Variants in SYNE2 observed in about 807,000 individuals in gnomAD.
SYNE2 encodes the protein spectrin repeat containing nuclear envelope protein 2.
Under a neutral mutation model 856.3 loss-of-function variants are expected in SYNE2, and 431 were observed. The ratio of observed to expected loss-of-function variants is 0.50; its 90% CI spans 0.47 to 0.55. The LOEUF is 0.55. Ranked by LOEUF, SYNE2 falls within the 20% of genes least tolerant of loss-of-function variation. SYNE2 has a pLI of 0.00. For synonymous variants in SYNE2, 2,923 were observed against 2,872.3 expected, an observed-to-expected ratio of 1.02 and a Z score of -0.56; for missense variants, 8,129 against 8,023.2, an observed-to-expected ratio of 1.01 and a Z score of -0.50.
At position 63,783,246 on chromosome 14, in the gene SYNE2, T is replaced by C. The variant is rs372803319; in HGVS notation, c.-305+21260T>C. Among the ~76,000 whole-genome samples, 45 of 152,328 alleles carry C rather than the reference T, an allele frequency of 3.0e-4. 1 individual carries two copies. Among genetic ancestry groups the C allele is most frequent in the African/African-American group, 1.1e-3 (44 of 41,588 alleles). On this transcript the variant is annotated intron_variant, in intron 1 of 23. Transcript: ENST00000674003. ...GTTCCTCCTGCGCTAATTCTCCTTT[T>C]TGCGGCCTTGTGAAGAGGGTATCTT...
chr14:64,047,563 G>A (rs558289943), intron 45 of SYNE2, among the ~76,000 whole-genome samples: 1 of 152,142 alleles, frequency 6.6e-6, no homozygotes, highest in African/African-American at 2.4e-5. Context: ...CTAGGCATTT[G>A]GCTGCCTCCT....
At chr14:63,840,938 C>T (rs937667983) in intron 1 of SYNE2, among the ~76,000 whole-genome samples, 1 of 152,004 alleles carries the variant, frequency 6.6e-6, no homozygotes, top group Non-Finnish European at 1.5e-5. Context: ...CGCTTGAACC[C>T]GGGAGGCAGA....
At chr14:63,953,013 A>AT (rs2096187326) in intron 7 of SYNE2, among the ~76,000 whole-genome samples, 3 of 152,282 alleles carry the variant, frequency 2.0e-5, no homozygotes, top group Non-Finnish European at 4.4e-5. Context: ...TGATGGAGTG[A>AT]TTTTTTTAAA....
At position 63,974,835 on chromosome 14, in the gene SYNE2, CGTG is replaced by C. The variant is rs1400524901; in HGVS notation, c.1129-1727_1129-1725del. 5.5e-4 allele frequency among the ~76,000 whole-genome samples: 62 copies of C among 113,084 alleles called. 1 individual carries two copies. The highest frequency in any genetic ancestry group is 8.3e-4 in the African/African-American group (27 of 32,382). The allele number at this position is 113,084 out of a possible 152,430, so 74.2% of individuals were successfully genotyped here. On this transcript the variant is annotated intron_variant, in intron 11 of 115. Coordinates refer to ENST00000555002, the MANE Select transcript of SYNE2 (RefSeq NM_182914.3). ...ATATGTATATACATATGTATATAGA[CGTG>C]TGTGTGTGTGTACATGTGTGTGTGT...
chr14:63,832,575 T>C (rs1235370420), intron 1 of SYNE2, among the ~76,000 whole-genome samples: 1 of 152,076 alleles, frequency 6.6e-6, no homozygotes, highest in Non-Finnish European at 1.5e-5. Context: ...TAGAACACAG[T>C]TATGACAGAA....
intron 1 of SYNE2, among the ~76,000 whole-genome samples, chr14:63,804,596 C>G (rs371005232): frequency 6.6e-6 from 1 of 152,124 alleles, no homozygotes; most frequent in Non-Finnish European, 1.5e-5. Flanking sequence ...CGGGTGCAAG[C>G]AATTCTCCTG....
At chr14:63,944,604 A>G (rs915398860) in intron 6 of SYNE2, among the ~76,000 whole-genome samples, 11 of 142,194 alleles carry the variant, frequency 7.7e-5, no homozygotes, top group Non-Finnish European at 1.5e-4. Flanking sequence ...GCTCACTGCA[A>G]CCTCCACCTC....
At position 63,933,736 on chromosome 14, in the gene SYNE2, T is replaced by A. The variant is rs146563058; in HGVS notation, c.80-6878T>A. On this transcript the variant is annotated intron_variant, in intron 2 of 115. Transcript: ENST00000555002. The stretch of plus-strand genomic sequence containing the variant: ...TTCATCATTGTAGTAGATTGTATTA[T>A]TCTCTTTATTTCTTTGCTTTTTCTA... 1.1e-3 allele frequency among the ~76,000 whole-genome samples: 169 copies of A among 152,338 alleles called. 2 individuals carry two copies. In the East Asian group the frequency reaches 0.014, roughly 13 times the overall value.
intron 63 of SYNE2, among the ~76,000 whole-genome samples, chr14:64,100,531 A>ATATATATAT (rs1555483884): frequency 4.8e-4 from 19 of 39,436 alleles, no homozygotes; most frequent in South Asian, 1.1e-3. Context: ...AAAAAAAAAA[A>ATATATATAT]ATATATATAT....
chr14:64,213,987 A>G (rs2098654383), intron 105 of SYNE2, among the ~76,000 whole-genome samples: 1 of 152,146 alleles, frequency 6.6e-6, no homozygotes, highest in African/African-American at 2.4e-5. Flanking sequence ...GAGGTTTGGG[A>G]AAATAACAGA....
Position 63,997,084 on chromosome 14 carries a change from A to G in SYNE2, c.3078A>G (p.Ile1026Met). ...TACTCAAAGATTATGAACAAAAGATAGAAAGACTTCTGAAATGTGCTTCCG... is the reference window on the plus strand; with the variant it reads ...TACTCAAAGATTATGAACAAAAGATGGAAAGACTTCTGAAATGTGCTTCCG... ...KRLLKDYEQK[I>M]ERLLKCASEI... is the part of the protein sequence containing the mutation. The change falls in exon 24 of 116, where the codon ATA (isoleucine) becomes ATG (methionine). Residue 1026 changes from isoleucine to methionine, a missense_variant. By Grantham distance (10) the Ile-to-Met change is conservative. This residue lies in a region of SYNE2 where 2,422 missense variants were observed against 2,357.4 expected (regional missense o/e 1.03). Transcript: ENST00000555002. The G allele has an allele frequency of 6.2e-7, 1 of 1,614,146 alleles. No individual in the cohort carries two copies. The highest frequency in any genetic ancestry group is 8.5e-7 in the Non-Finnish European group (1 of 1,180,012).
chr14:64,075,050 T>C (rs556561405), intron 53 of SYNE2, among the ~76,000 whole-genome samples: 14 of 152,324 alleles, frequency 9.2e-5, no homozygotes, highest in African/African-American at 3.4e-4. Flanking sequence ...AAACCCCATC[T>C]TTGAATGGCA....
At chr14:64,221,781 C>G (rs944316091) in intron 112 of SYNE2, 77 bp downstream of exon 112, 77 of 1,547,844 alleles carry the variant, frequency 5.0e-5, no homozygotes, top group Middle Eastern at 2.1e-4. Flanking sequence ...CAGGTAGCCT[C>G]GCCTAGTATT....
At chr14:64,207,989 T>C (rs575925313) in intron 100 of SYNE2, 9 of 456,008 alleles carry the variant, frequency 2.0e-5, no homozygotes, top group Non-Finnish European at 3.5e-5. Context: ...AAATATTATC[T>C]GATGATGACT....
Position 64,215,352 on chromosome 14 carries a change from C to G in SYNE2, c.19400C>G (p.Ser6467Cys), listed in dbSNP as rs773806326. Residue 6467 changes from serine (S) to cysteine (C), a missense_variant and splice_region_variant, in exon 107 of 116, where the codon TCT becomes TGT. By Grantham distance (112) the Ser-to-Cys change is moderately radical. Transcript: ENST00000555002. Reference sequence around the variant, plus strand: ...ACCACAAAAACTTTGAAAGCGTCTTCTGGTAGGCCCCCGCCCATGCATGTG... The same window carrying G: ...ACCACAAAAACTTTGAAAGCGTCTTGTGGTAGGCCCCCGCCCATGCATGTG... ...KMTTKTLKAS[S>C]GKSISDGHSW... 1.2e-6 allele frequency: 2 copies of G among 1,613,976 alleles called. No homozygotes were observed. Among genetic ancestry groups the G allele is most frequent in the African/African-American group, 1.3e-5 (1 of 74,934 alleles).
intron 1 of SYNE2, among the ~76,000 whole-genome samples, chr14:63,820,397 C>T (rs1225883457): frequency 6.6e-6 from 1 of 152,030 alleles, no homozygotes; most frequent in Middle Eastern, 3.2e-3. Context: ...CATGTACAAA[C>T]ATTAATTAAG....
intron 1 of SYNE2, among the ~76,000 whole-genome samples, chr14:63,905,775 T>C (rs371375557): frequency 1.3e-5 from 2 of 152,356 alleles, no homozygotes; most frequent in Admixed American, 6.5e-5. Context: ...TTTTCCTATT[T>C]GGATGCCTTT....
In SYNE2 at chr14:64,071,314, G is replaced by A. The variant is rs945133679; in HGVS notation, c.10697+404G>A. 2.0e-5 allele frequency among the ~76,000 whole-genome samples: 3 copies of A among 152,000 alleles called. 1 individual carries two copies. Among genetic ancestry groups the A allele is most frequent in the African/African-American group, 7.3e-5 (3 of 41,376 alleles). On this transcript the variant is annotated intron_variant, in intron 52 of 115. Transcript: ENST00000555002. ...TCAAGACCATCCTGGCTAACGTGGT[G>A]AAACCCCGTCTCTACTAAAAATACA...
intron 1 of SYNE2, among the ~76,000 whole-genome samples, chr14:63,899,948 A>C (rs1290428282): frequency 1.3e-5 from 2 of 152,204 alleles, no homozygotes; most frequent in Admixed American, 1.3e-4. Flanking sequence ...GTATTTAATA[A>C]ATGTTAATTG....
Sources: gnomAD v4.1 joint callset for allele counts (sites outside exome capture counted in the v4.1 genomes callset) on GRCh38, gnomAD v4.1.1 for gene constraint, gnomAD v4.1.1 regional missense constraint, MANE v1.5 for transcripts, NCBI Gene and HGNC (gene_info 2026-07-23, HGNC 2026-07-21) for gene names.